Variants in TTC27 observed in about 807,000 individuals in gnomAD.
TTC27 encodes tetratricopeptide repeat domain 27, also known as tetratricopeptide repeat protein 27.
TTC27 carries 79 observed loss-of-function variants against 115.9 expected under a neutral mutation model. That is an observed-to-expected ratio of 0.68 (90% CI 0.57 to 0.82). TTC27 has a LOEUF of 0.82. TTC27 is among the 40% of genes least tolerant of loss of function. The pLI, the probability that TTC27 is intolerant of heterozygous loss-of-function variation, is 0.00. For missense variants in TTC27, 1,054 were observed against 993.1 expected (o/e 1.06, Z -0.82); for synonymous variants, 401 against 356.0 (o/e 1.13, Z -1.42).
chr2:32,665,639 A>G (rs1207674083), intron 6 of TTC27, among the ~76,000 whole-genome samples: 2 of 152,234 alleles, frequency 1.3e-5, no homozygotes, highest in Non-Finnish European at 2.9e-5. Flanking sequence ...TCATGCCTGT[A>G]ATCCCAGCAC....
At position 32,733,860 on chromosome 2, in the gene TTC27, A is replaced by G; in HGVS notation, c.1266A>G (p.Thr422=). ...ALADQFEDKT[T]SVLERLKIFY... is the part of the protein sequence containing the mutation. The stretch of plus-strand genomic sequence containing the variant: ...CAGACCAATTTGAAGATAAAACTAC[A>G]TCTGTATTGGAACGCCTGAAGATTT... Residue 422 remains threonine, a synonymous_variant, in exon 11 of 20, where the codon ACA becomes ACG. Transcript: ENST00000317907. The G allele has an allele frequency of 1.2e-6, 2 of 1,611,676 alleles. No individual in the cohort carries two copies. The highest frequency in any genetic ancestry group is 3.3e-4 in the Middle Eastern group (2 of 6,048).
intron 13 of TTC27, among the ~76,000 whole-genome samples, chr2:32,768,174 A>C (rs1572595650): frequency 6.6e-6 from 1 of 152,204 alleles, no homozygotes; most frequent in Non-Finnish European, 1.5e-5. Context: ...GTACAGCTTG[A>C]TTAATTCTCC....
At chr2:32,795,156 C>G (rs1419156096) in intron 16 of TTC27, among the ~76,000 whole-genome samples, 1 of 148,698 alleles carries the variant, frequency 6.7e-6, no homozygotes, top group South Asian at 2.1e-4. Flanking sequence ...ACAAACAAAA[C>G]ACAGACCAAA....
intron 1 of TTC27, 38 bp from the exon 2 acceptor site, chr2:32,630,485 T>C (rs759685261): frequency 1.3e-5 from 19 of 1,417,016 alleles, no homozygotes; most frequent in Non-Finnish European, 1.7e-5. Flanking sequence ...TGAAAAATAA[T>C]TTTTTTTGGA....
At position 32,702,938 on chromosome 2, in the gene TTC27, A is replaced by G; in HGVS notation, c.1233+18A>G. 6.4e-7 allele frequency: 1 copy of G among 1,566,152 alleles called. No individual in the cohort carries two copies. The highest frequency in any genetic ancestry group is 1.3e-5 in the African/African-American group (1 of 74,110). Reference sequence around the variant, plus strand: ...AGACACAGGTAAGAATTAATGTGGCAATTTGTGTGCTTCTTCCAACTCTCT... The same window carrying G: ...AGACACAGGTAAGAATTAATGTGGCGATTTGTGTGCTTCTTCCAACTCTCT... On this transcript the variant is annotated intron_variant, in intron 10 of 19. Transcript: ENST00000317907.
At chr2:32,799,911 T>TA (rs1281034849) in intron 16 of TTC27, among the ~76,000 whole-genome samples, 2 of 152,242 alleles carry the variant, frequency 1.3e-5, no homozygotes, top group Non-Finnish European at 2.9e-5. Flanking sequence ...ATAAAATATT[T>TA]AAATTGGAAT....
chr2:32,741,675 A>ACAG (rs757256516), intron 12 of TTC27, among the ~76,000 whole-genome samples: 2,245 of 150,038 alleles, frequency 0.015, 52 homozygotes, highest in African/African-American at 0.05. Context: ...CAAAACAACA[A>ACAG]CAACAACAAA....
At chr2:32,746,335 G>A (rs1668825587) in intron 12 of TTC27, among the ~76,000 whole-genome samples, 2 of 151,948 alleles carry the variant, frequency 1.3e-5, no homozygotes, top group African/African-American at 4.8e-5. Flanking sequence ...GCCGAGACGG[G>A]TGGATTACCT....
chr2:32,791,138 C>T (rs1028159437), intron 16 of TTC27, among the ~76,000 whole-genome samples: 13 of 152,158 alleles, frequency 8.5e-5, no homozygotes, highest in Non-Finnish European at 1.6e-4. Context: ...CATGTTCCTA[C>T]ATAATTAGTT....
intron 10 of TTC27, among the ~76,000 whole-genome samples, chr2:32,722,289 T>G (rs1667958932): frequency 6.6e-6 from 1 of 152,216 alleles, no homozygotes; most frequent in African/African-American, 2.4e-5. Context: ...TCTGCATTAA[T>G]AACTGTGTGC....
rs115026229 is a variant in TTC27, at chr2:32,816,875, G to A, written c.2309-582G>A. Among the ~76,000 whole-genome samples the A allele has an allele frequency of 2.9e-3, 437 of 152,320 alleles. 5 individuals are homozygous for A. The highest frequency in any genetic ancestry group is 8.5e-3 in the African/African-American group (355 of 41,570). Reference sequence around the variant, plus strand: ...CATTGGGGACTTGGTAGCATGGAAAGCCACACAAAGATGTGCTGCATCTGT... The same window carrying A: ...CATTGGGGACTTGGTAGCATGGAAAACCACACAAAGATGTGCTGCATCTGT... On this transcript the variant is annotated intron_variant, in intron 18 of 19. Transcript: ENST00000317907.
At chr2:32,792,982 C>A (rs1670586421) in intron 16 of TTC27, among the ~76,000 whole-genome samples, 1 of 152,062 alleles carries the variant, frequency 6.6e-6, no homozygotes, top group South Asian at 2.1e-4. Context: ...AAGTGTGGTT[C>A]CTGATGGAGG....
rs922333500 is a variant in TTC27 at position 32,730,410 on chromosome 2, A to G, written c.1234-3418A>G. 5.9e-5 allele frequency among the ~76,000 whole-genome samples: 9 copies of G among 152,094 alleles called. No homozygotes were observed. In the South Asian group the frequency reaches 6.2e-4, roughly 11 times the overall value. On this transcript the variant is annotated intron_variant, in intron 10 of 19. Coordinates refer to ENST00000317907, the MANE Select transcript of TTC27 (RefSeq NM_017735.5). The stretch of plus-strand genomic sequence containing the variant: ...TGCCGTCACTGATTTTCTTCCATTT[A>G]TTGTGCCTGTAAAGGACTCAGGTTT...
chr2:32,779,509 G>A (rs1572606113), intron 14 of TTC27, among the ~76,000 whole-genome samples: 2 of 151,834 alleles, frequency 1.3e-5, no homozygotes, highest in African/African-American at 4.8e-5. Context: ...TTTTATCATT[G>A]AGTTGTAAGA....
intron 16 of TTC27, among the ~76,000 whole-genome samples, chr2:32,796,515 C>A (rs1049067110): frequency 7.2e-5 from 11 of 152,140 alleles, no homozygotes; most frequent in African/African-American, 2.7e-4. Context: ...ATATTGTGAA[C>A]AAGTGTATGC....
Position 32,723,246 on chromosome 2 carries a change from A to C in TTC27, c.1234-10582A>C, listed in dbSNP as rs1667984349. On this transcript the variant is annotated intron_variant, in intron 10 of 19. Coordinates refer to ENST00000317907, the MANE Select transcript of TTC27 (RefSeq NM_017735.5). ...ATTACGGTGATTGAATTCATGCTTT[A>C]GTTTTCCCTGAGATAACACTGCGTA... Among the ~76,000 whole-genome samples, 3 of 152,150 alleles carry C rather than the reference A, an allele frequency of 2.0e-5. No individual in the cohort carries two copies. In the South Asian group the frequency reaches 6.2e-4, roughly 32 times the overall value.
rs1168272516 is a variant in TTC27 at position 32,718,861 on chromosome 2, T to C, written c.1234-14967T>C. On this transcript the variant is annotated intron_variant, in intron 10 of 19. Transcript: ENST00000317907. ...AGGCAACTGGGCACTCTTGCTGTTA[T>C]AACAAAGATGCTTCTCTTTTAAAAT... Among the ~76,000 whole-genome samples the C allele has an allele frequency of 3.3e-5, 5 of 152,344 alleles. No individual in the cohort carries two copies. In the East Asian group the frequency reaches 9.6e-4, roughly 29 times the overall value.
chr2:32,730,171 G>T (rs1474454636), intron 10 of TTC27, among the ~76,000 whole-genome samples: 2 of 152,176 alleles, frequency 1.3e-5, no homozygotes, highest in African/African-American at 4.8e-5. Flanking sequence ...TGCTTCTAAT[G>T]AATGTACCTA....
At chr2:32,675,235 A>G (rs1229213872) in intron 8 of TTC27, among the ~76,000 whole-genome samples, 1 of 152,228 alleles carries the variant, frequency 6.6e-6, no homozygotes, top group Non-Finnish European at 1.5e-5. Context: ...TCTAAGTTTT[A>G]CTGACCCCAA....
Sources: gnomAD v4.1 joint callset for allele counts (sites outside exome capture counted in the v4.1 genomes callset) on GRCh38, gnomAD v4.1.1 for gene constraint, MANE v1.5 for transcripts, NCBI Gene and HGNC (gene_info 2026-07-23, HGNC 2026-07-21) for gene names.